Variants in ARF3 observed in about 807,000 individuals in gnomAD.
ARF3 encodes ARF GTPase 3, also known as ADP-ribosylation factor 3.
A neutral mutation model predicts 19.3 loss-of-function variants in ARF3; 5 were observed. The ratio of observed to expected loss-of-function variants is 0.26; its 90% CI spans 0.14 to 0.54. ARF3 has a LOEUF of 0.54. ARF3 is among the 20% of genes least tolerant of loss of function. The pLI is 0.95. For synonymous variants in ARF3, 71 were observed against 89.2 expected (o/e 0.80, Z 1.15); for missense variants, 77 against 234.2 (o/e 0.33, Z 4.38).
chr12:48,939,035 C>G lies in ARF3; in HGVS notation c.458G>C (p.Trp153Ser). 5.0e-6 allele frequency: 8 copies of G among 1,613,936 alleles called. No individual in the cohort carries two copies. Among genetic ancestry groups the G allele is most frequent in the Non-Finnish European group, 5.9e-6 (7 of 1,180,036 alleles). ...GGTGGCACAGGTGGCCTGAATGTAC[C>G]AGTTACGGTGACGAAGGGAATGCAG... is the stretch of plus-strand genomic sequence containing the variant. ...LGLHSLRHRN[W>S]YIQATCATSG... The change falls in exon 5 of 5, where the codon TGG becomes TCG. Residue 153 changes from tryptophan to serine, a missense_variant. Trp to Ser is a radical substitution (Grantham distance 177, BLOSUM62 -3). Around this residue, in one of 3 missense-constraint regions of ARF3, gnomAD observed 53 missense variants for 121.2 expected, o/e 0.44. Transcript: ENST00000256682. This position sits in a 1 kb window ranked among gnomAD's most constrained non-coding sequence, Gnocchi z 4.8.
intron 1 of ARF3, among the ~76,000 whole-genome samples, chr12:48,945,089 G>C (rs1191171558): frequency 1.4e-5 from 2 of 146,482 alleles, no homozygotes; most frequent in African/African-American, 5.1e-5. Flanking sequence ...ACAGTGAGCT[G>C]AGATCATGCC....
chr12:48,939,878 C>A lies in ARF3; in HGVS notation c.260-99G>T. 1 of 1,597,892 alleles carries A rather than the reference C, an allele frequency of 6.3e-7. No individual in the cohort carries two copies. Among genetic ancestry groups the A allele is most frequent in the Non-Finnish European group, 8.6e-7 (1 of 1,167,148 alleles). ...CTGACACCCTCCAAATATTTGCTCC[C>A]TTTCCTCCCTTTCTTCTGCCCCCAG... On this transcript the variant is annotated intron_variant, in intron 3 of 4. Coordinates refer to ENST00000256682, the MANE Select transcript of ARF3 (RefSeq NM_001659.3). The surrounding 1 kb of genome is among the most constrained non-coding windows in gnomAD (Gnocchi z 4.8).
chr12:48,951,806 G>T (rs372141792), intron 1 of ARF3, among the ~76,000 whole-genome samples: 8 of 151,764 alleles, frequency 5.3e-5, no homozygotes, highest in Non-Finnish European at 7.4e-5. Flanking sequence ...TTGAACCTGC[G>T]AGGTGGAGGC....
chr12:48,935,975 G>A lies in ARF3; in HGVS notation c.*2972C>T, dbSNP rs1940135907. ...GAAAGTCACGAAGCCCTCACACTCTGATGCCCAATTCATTTGGGCTCCCCC... is the reference window on the plus strand; with the variant it reads ...GAAAGTCACGAAGCCCTCACACTCTAATGCCCAATTCATTTGGGCTCCCCC... On this transcript the variant is annotated 3_prime_UTR_variant, in exon 5 of 5. Coordinates refer to ENST00000256682, the MANE Select transcript of ARF3 (RefSeq NM_001659.3). 1 of 152,236 alleles carries A rather than the reference G, an allele frequency of 6.6e-6. No individual in the cohort carries two copies. 9.4% of individuals were successfully genotyped at this position (152,236 alleles called of 1,614,324 possible).
At chr12:48,946,695 T>C (rs890388702) in intron 1 of ARF3, among the ~76,000 whole-genome samples, 1 of 152,202 alleles carries the variant, frequency 6.6e-6, no homozygotes, top group Non-Finnish European at 1.5e-5. Flanking sequence ...ATATCCTCAC[T>C]TGAGGACAAC....
At chr12:48,952,287 T>C (rs1377974735) in intron 1 of ARF3, among the ~76,000 whole-genome samples, 1 of 152,162 alleles carries the variant, frequency 6.6e-6, no homozygotes, top group Non-Finnish European at 1.5e-5. Flanking sequence ...GGGTCTGGCT[T>C]TTACCACAGA....
chr12:48,952,453 A>C (rs534348386), intron 1 of ARF3, among the ~76,000 whole-genome samples: 1 of 152,358 alleles, frequency 6.6e-6, no homozygotes, highest in East Asian at 1.9e-4. Flanking sequence ...CCTTGTTCTT[A>C]GAATCTGACC....
intron 1 of ARF3, among the ~76,000 whole-genome samples, chr12:48,945,527 C>A (rs1028235393): frequency 1.3e-5 from 2 of 151,872 alleles, no homozygotes; most frequent in African/African-American, 4.8e-5. Context: ...TGCCATCACA[C>A]TCCAGCCCGG....
intron 1 of ARF3, among the ~76,000 whole-genome samples, chr12:48,941,411 T>C (rs776734836): frequency 7.2e-5 from 11 of 152,146 alleles, no homozygotes; most frequent in Non-Finnish European, 1.5e-4. Flanking sequence ...ACCATGTGAC[T>C]CTGGGCAAGT....
At chr12:48,951,867 G>A (rs905137766) in intron 1 of ARF3, among the ~76,000 whole-genome samples, 10 of 150,022 alleles carry the variant, frequency 6.7e-5, no homozygotes, top group Admixed American at 2.0e-4. Context: ...CAACAAGAGC[G>A]AAACTCCGTC....
In ARF3 at chr12:48,947,790, T is replaced by C. The variant is rs540353290; in HGVS notation, c.-93-6602A>G. The stretch of plus-strand genomic sequence containing the variant: ...GAAAGCTGGAGCAGTAAATCAACAC[T>C]GAAGGGTAAAGGGTGATTCTGAAAC... On this transcript the variant is annotated intron_variant, in intron 1 of 4. Transcript: ENST00000256682. Among the ~76,000 whole-genome samples, 122 of 152,052 alleles carry C rather than the reference T, an allele frequency of 8.0e-4. 2 individuals are homozygous for C. The South Asian group carries it at 0.024, about 30-fold the overall frequency.
rs1457247617 is a variant in ARF3 at position 48,936,116 on chromosome 12, T to A, written c.*2831A>T. The A allele has an allele frequency of 6.6e-6, 1 of 152,326 alleles. No individual in the cohort carries two copies. Among genetic ancestry groups the A allele is most frequent in the Non-Finnish European group, 1.5e-5 (1 of 68,036 alleles). The allele number at this position is 152,326 out of a possible 1,614,324, so 9.4% of individuals were successfully genotyped here. A position where few individuals can be genotyped will look rare whatever the true frequency, so the allele number is the denominator to read the frequency against. ...ACCCCTTTGCTGAAAGAAGGAGCACTATGGAGAGAGGGACCAGAAACAGGA... is the reference window on the plus strand; with the variant it reads ...ACCCCTTTGCTGAAAGAAGGAGCACAATGGAGAGAGGGACCAGAAACAGGA... On this transcript the variant is annotated 3_prime_UTR_variant, in exon 5 of 5. Transcript: ENST00000256682.
chr12:48,944,100 C>G (rs1399027797), intron 1 of ARF3, among the ~76,000 whole-genome samples: 1 of 152,248 alleles, frequency 6.6e-6, no homozygotes, highest in African/African-American at 2.4e-5. Context: ...CTGCCTCTTG[C>G]TCAGGCAGCC....
At chr12:48,953,457 A>C (rs1332188728) in intron 1 of ARF3, among the ~76,000 whole-genome samples, 1 of 152,198 alleles carries the variant, frequency 6.6e-6, no homozygotes, top group Non-Finnish European at 1.5e-5. Context: ...AACAGAGAGC[A>C]AATGCTCTCC....
chr12:48,938,253 T>C lies in ARF3; in HGVS notation c.*694A>G, dbSNP rs938850986. The C allele has an allele frequency of 1.0e-5, 4 of 383,276 alleles. No individual in the cohort carries two copies. Among genetic ancestry groups the C allele is most frequent in the African/African-American group, 8.4e-5 (4 of 47,840 alleles). The allele number at this position is 383,276 out of a possible 1,614,324, so 23.7% of individuals were successfully genotyped here. On this transcript the variant is annotated 3_prime_UTR_variant, in exon 5 of 5. Coordinates refer to ENST00000256682, the MANE Select transcript of ARF3 (RefSeq NM_001659.3). The stretch of plus-strand genomic sequence containing the variant: ...GAAGAATCCATCATCTGTCCTATCA[T>C]CCAGAAAAACCTACCTGCAGAGAGG...
chr12:48,942,438 T>C (rs1364345250), intron 1 of ARF3, among the ~76,000 whole-genome samples: 1 of 151,924 alleles, frequency 6.6e-6, no homozygotes, highest in African/African-American at 2.4e-5. Context: ...CAGATAACCA[T>C]CATAGATTAC....
At chr12:48,940,880 A>G (rs1307273481) in intron 2 of ARF3, 68 bp downstream of exon 2, 2 of 1,476,148 alleles carry the variant, frequency 1.4e-6, no homozygotes. Context: ...AGGTTGGGGA[A>G]CCAGGAATAG....
chr12:48,947,376 G>A (rs1001538917), intron 1 of ARF3, among the ~76,000 whole-genome samples: 9 of 149,782 alleles, frequency 6.0e-5, no homozygotes, highest in Admixed American at 2.7e-4. Flanking sequence ...GCGCAATCTC[G>A]GCTCACTGCA....
At chr12:48,941,795 A>G (rs967299476) in intron 1 of ARF3, among the ~76,000 whole-genome samples, 3 of 152,172 alleles carry the variant, frequency 2.0e-5, no homozygotes, top group South Asian at 2.1e-4. Context: ...GATCCTTTAC[A>G]CTCTGTGGAA....
Sources: allele counts gnomAD v4.1 joint callset (sites outside exome capture counted in the v4.1 genomes callset), GRCh38; gene constraint gnomAD v4.1.1; regional missense constraint gnomAD v4.1.1; non-coding constraint Gnocchi (gnomAD v3.1); transcripts MANE v1.5; gene names NCBI Gene and HGNC (gene_info 2026-07-23, HGNC 2026-07-21).